ADGRL3: variants seen among roughly 807,000 people sequenced by gnomAD.
The protein encoded by ADGRL3 is calcium-independent alpha-latrotoxin receptor 3.
Under a neutral mutation model 153.5 loss-of-function variants are expected in ADGRL3, and 62 were observed. The observed-to-expected ratio is 0.40, with a 90% CI of 0.33 to 0.50. ADGRL3 has a LOEUF of 0.50. Ranked by LOEUF, ADGRL3 falls within the 20% of genes least tolerant of loss-of-function variation. The pLI, the probability that ADGRL3 is intolerant of heterozygous loss-of-function variation, is 0.47. For missense variants in ADGRL3, 1,641 were observed against 1,859.4 expected, an observed-to-expected ratio of 0.88 and a Z score of 2.16; for synonymous variants, 710 against 672.5, an observed-to-expected ratio of 1.06 and a Z score of -0.86.
intron 5 of ADGRL3, among the ~76,000 whole-genome samples, chr4:61,664,335 T>G (rs1206126990): frequency 2.0e-5 from 3 of 152,212 alleles, no homozygotes; most frequent in Non-Finnish European, 4.4e-5. Context: ...AATATCATCC[T>G]CTTTAAATTT....
intron 1 of ADGRL3, among the ~76,000 whole-genome samples, chr4:61,232,442 G>A (rs1285568940): frequency 6.6e-6 from 1 of 151,764 alleles, no homozygotes; most frequent in Non-Finnish European, 1.5e-5. Flanking sequence ...CCAAGTAACT[G>A]GGATTACAGG....
chr4:61,353,333 A>G (rs2096090646), intron 1 of ADGRL3, among the ~76,000 whole-genome samples: 1 of 152,192 alleles, frequency 6.6e-6, no homozygotes, highest in Non-Finnish European at 1.5e-5. Context: ...ACATACATAT[A>G]AACACACATA....
At chr4:61,397,146 T>C (rs2096877721) in intron 2 of ADGRL3, among the ~76,000 whole-genome samples, 3 of 151,918 alleles carry the variant, frequency 2.0e-5, no homozygotes, top group Non-Finnish European at 4.4e-5. Flanking sequence ...TTATTTATAA[T>C]TGTTACCAAA....
intron 5 of ADGRL3, among the ~76,000 whole-genome samples, chr4:61,644,194 G>C (rs1316667565): frequency 6.9e-6 from 1 of 144,718 alleles, no homozygotes. Context: ...TTCTTTATTA[G>C]TCTTGCTAGC....
intron 1 of ADGRL3, among the ~76,000 whole-genome samples, chr4:61,315,034 C>G (rs1478241922): frequency 6.6e-6 from 1 of 152,140 alleles, no homozygotes; most frequent in Non-Finnish European, 1.5e-5. Flanking sequence ...TACATGGGAT[C>G]TTGATCTAAC....
In ADGRL3 at chr4:61,488,230, A is replaced by T. The variant is rs145148790; in HGVS notation, c.-173-8891A>T. ...TTAAATGAAACTTTTATGCTAGAAAAGTTTCCTATTAAAATTACCCTAGAG... is the reference window on the plus strand; with the variant it reads ...TTAAATGAAACTTTTATGCTAGAAATGTTTCCTATTAAAATTACCCTAGAG... On this transcript the variant is annotated intron_variant, in intron 2 of 26. Coordinates refer to ENST00000683033, the MANE Select transcript of ADGRL3 (RefSeq NM_001387552.1). Among the ~76,000 whole-genome samples, 1,357 of 152,164 alleles carry T rather than the reference A, an allele frequency of 8.9e-3. 11 individuals carry two copies. Among genetic ancestry groups the T allele is most frequent in the Non-Finnish European group, 0.015 (1,015 of 67,906 alleles).
intron 21 of ADGRL3, among the ~76,000 whole-genome samples, chr4:62,017,508 G>A (rs886879083): frequency 1.9e-4 from 28 of 150,596 alleles, no homozygotes; most frequent in Admixed American, 5.9e-4. Flanking sequence ...TTTACTGTCT[G>A]GAATAAATCT....
intron 8 of ADGRL3, among the ~76,000 whole-genome samples, chr4:61,779,940 C>G (rs2097195510): frequency 6.6e-6 from 1 of 152,072 alleles, no homozygotes; most frequent in South Asian, 2.1e-4. Flanking sequence ...AATCAGAGCC[C>G]TAAGATGTGT....
chr4:61,776,908 G>T (rs2097158053), intron 8 of ADGRL3, among the ~76,000 whole-genome samples: 1 of 152,166 alleles, frequency 6.6e-6, no homozygotes, highest in African/African-American at 2.4e-5. Context: ...TACTAAGTGT[G>T]TCAACAGTGC....
At chr4:61,554,448 G>T (rs71607299) in intron 4 of ADGRL3, among the ~76,000 whole-genome samples, 3 of 151,890 alleles carry the variant, frequency 2.0e-5, no homozygotes, top group African/African-American at 7.3e-5. Context: ...CACCCGCCTC[G>T]GCCTCCCAAA....
intron 6 of ADGRL3, among the ~76,000 whole-genome samples, chr4:61,690,766 G>GT (rs2095525996): frequency 6.6e-6 from 1 of 151,936 alleles, no homozygotes; most frequent in Admixed American, 6.6e-5. Flanking sequence ...CTGGCTACTT[G>GT]TGTGTGTATC....
In ADGRL3 at chr4:61,532,278, T is replaced by C. The variant is rs557820976; in HGVS notation, c.259+14760T>C. Among the ~76,000 whole-genome samples the C allele has an allele frequency of 1.8e-4, 28 of 152,192 alleles. 1 individual carries two copies. In the South Asian group the frequency reaches 5.8e-3, roughly 32 times the overall value. On this transcript the variant is annotated intron_variant, in intron 4 of 26. Coordinates refer to ENST00000683033, the MANE Select transcript of ADGRL3 (RefSeq NM_001387552.1). ...TCTTCAAAGTTAGAATAAAAGCTTG[T>C]ATGACTTGGAGTGGGAAAAAACTTT...
At chr4:61,876,345 A>T (rs566394984) in intron 9 of ADGRL3, among the ~76,000 whole-genome samples, 4 of 151,718 alleles carry the variant, frequency 2.6e-5, no homozygotes, top group African/African-American at 9.7e-5. Flanking sequence ...CCAAAGTTTC[A>T]CAGCAAGAAA....
intron 9 of ADGRL3, among the ~76,000 whole-genome samples, chr4:61,823,496 A>G (rs1036559252): frequency 3.3e-5 from 5 of 152,078 alleles, no homozygotes; most frequent in African/African-American, 1.2e-4. Flanking sequence ...ATTAACATTT[A>G]TTTGTTCCCA....
chr4:61,956,251 T>C (rs1439422382), intron 17 of ADGRL3, among the ~76,000 whole-genome samples: 1 of 152,224 alleles, frequency 6.6e-6, no homozygotes, highest in African/African-American at 2.4e-5. Context: ...TGAGATGGTA[T>C]CTCATTGTGG....
At chr4:61,624,301 G>A (rs1560953717) in intron 5 of ADGRL3, among the ~76,000 whole-genome samples, 1 of 152,108 alleles carries the variant, frequency 6.6e-6, no homozygotes, top group Non-Finnish European at 1.5e-5. Flanking sequence ...AGCTTTTATA[G>A]GTTATTAGAG....
intron 4 of ADGRL3, among the ~76,000 whole-genome samples, chr4:61,578,255 C>G (rs529955840): frequency 6.6e-5 from 10 of 152,052 alleles, no homozygotes; most frequent in Non-Finnish European, 1.5e-4. Flanking sequence ...TTCTTCCTAT[C>G]TTTGTCTAAG....
chr4:61,470,348 A>G (rs1388501364), intron 2 of ADGRL3, among the ~76,000 whole-genome samples: 1 of 151,902 alleles, frequency 6.6e-6, no homozygotes, highest in Admixed American at 6.6e-5. Flanking sequence ...GTAGTAGCCT[A>G]ATTGTCTGCA....
chr4:62,014,421 G>T (rs1254111509), intron 21 of ADGRL3, among the ~76,000 whole-genome samples: 1 of 152,084 alleles, frequency 6.6e-6, no homozygotes, highest in Non-Finnish European at 1.5e-5. Context: ...AAAGGGAAAT[G>T]GTAGAAAATT....
Sources: gnomAD v4.1 joint callset for allele counts (sites outside exome capture counted in the v4.1 genomes callset) on GRCh38, gnomAD v4.1.1 for gene constraint, MANE v1.5 for transcripts, NCBI Gene and HGNC (gene_info 2026-07-23, HGNC 2026-07-21) for gene names.